Variants in DNER observed in about 807,000 individuals in gnomAD.
DNER encodes the protein delta/notch like EGF repeat containing.
DNER carries 33 observed loss-of-function variants against 78.2 expected under a neutral mutation model. That is an observed-to-expected ratio of 0.42 (90% CI 0.32 to 0.56). DNER has a LOEUF of 0.56. DNER is among the 20% of genes least tolerant of loss of function. The pLI, the probability that DNER is intolerant of heterozygous loss-of-function variation, is 0.11. For synonymous variants in DNER, 417 were observed against 384.8 expected, an observed-to-expected ratio of 1.08 and a Z score of -0.98; for missense variants, 918 against 975.3, an observed-to-expected ratio of 0.94 and a Z score of 0.78.
chr2:229,450,801 C>A (rs1405004617), intron 7 of DNER, among the ~76,000 whole-genome samples: 1 of 152,206 alleles, frequency 6.6e-6, no homozygotes, highest in African/African-American at 2.4e-5. Context: ...GAGCTTCCAG[C>A]CTCCAGAACT....
chr2:229,651,104 C>T (rs142014816), intron 1 of DNER, among the ~76,000 whole-genome samples: 4 of 152,274 alleles, frequency 2.6e-5, no homozygotes, highest in Non-Finnish European at 5.9e-5. Context: ...GATGAGAGGA[C>T]AAAGGCTGAA....
chr2:229,655,313 A>G (rs1698894567), intron 1 of DNER, among the ~76,000 whole-genome samples: 1 of 152,204 alleles, frequency 6.6e-6, no homozygotes, highest in East Asian at 1.9e-4. Context: ...TGAATTCAAA[A>G]GAGGGACTGG....
chr2:229,554,920 G>A (rs1696825486), intron 4 of DNER, among the ~76,000 whole-genome samples: 1 of 70,670 alleles, frequency 1.4e-5, no homozygotes, highest in Non-Finnish European at 2.9e-5. Flanking sequence ...GAGAAGAGAA[G>A]AGAAGAGAAG....
At chr2:229,380,068 T>A (rs1692700850) in intron 11 of DNER, among the ~76,000 whole-genome samples, 1 of 152,182 alleles carries the variant, frequency 6.6e-6, no homozygotes, top group Non-Finnish European at 1.5e-5. Context: ...AGTGAGCAGG[T>A]AAGAAGCTAA....
intron 4 of DNER, 78 bp from the exon 5 acceptor site, chr2:229,547,170 C>T (rs1373265117): frequency 9.6e-6 from 15 of 1,558,370 alleles, no homozygotes; most frequent in Middle Eastern, 1.7e-4. Context: ...TTACCAACAG[C>T]CTTTCTACAA....
intron 7 of DNER, among the ~76,000 whole-genome samples, chr2:229,466,325 C>G (rs935744369): frequency 6.6e-6 from 1 of 152,106 alleles, no homozygotes; most frequent in African/African-American, 2.4e-5. Context: ...TTCTGTGTCT[C>G]CCTCTCCCTC....
At chr2:229,679,434 T>C (rs1347102860) in intron 1 of DNER, among the ~76,000 whole-genome samples, 1 of 152,240 alleles carries the variant, frequency 6.6e-6, no homozygotes, top group African/African-American at 2.4e-5. Context: ...AACTTTCAAC[T>C]TCACTTGTAC....
At chr2:229,533,909 C>T (rs757201763) in intron 5 of DNER, among the ~76,000 whole-genome samples, 65 of 152,200 alleles carry the variant, frequency 4.3e-4, no homozygotes, top group Non-Finnish European at 8.7e-4. Flanking sequence ...ATTCCCAATA[C>T]TTAAAGACTT....
chr2:229,603,594 G>A (rs747311967), intron 1 of DNER, among the ~76,000 whole-genome samples: 1 of 152,174 alleles, frequency 6.6e-6, no homozygotes, highest in Non-Finnish European at 1.5e-5. Flanking sequence ...ACCCATGCTT[G>A]AAGTCAGAAG....
Position 229,489,884 on chromosome 2 carries a change from C to T in DNER, c.1148-12631G>A, listed in dbSNP as rs556674058. 5.8e-4 allele frequency among the ~76,000 whole-genome samples: 89 copies of T among 152,236 alleles called. 1 individual carries two copies. Among genetic ancestry groups the T allele is most frequent in the Non-Finnish European group, 9.0e-4 (61 of 68,022 alleles). On this transcript the variant is annotated intron_variant, in intron 6 of 12. Coordinates refer to ENST00000341772, the MANE Select transcript of DNER (RefSeq NM_139072.4). Reference sequence around the variant, plus strand: ...CACCACTGATGACCTTGGAGAAGCACTCTTATGATACAGAGAGAAAAGCAG... The same window carrying T: ...CACCACTGATGACCTTGGAGAAGCATTCTTATGATACAGAGAGAAAAGCAG...
intron 1 of DNER, among the ~76,000 whole-genome samples, chr2:229,616,507 C>G (rs1698165677): frequency 6.6e-6 from 1 of 152,206 alleles, no homozygotes; most frequent in South Asian, 2.1e-4. Flanking sequence ...TCTCAGCCAA[C>G]TCACAGACCT....
chr2:229,578,346 G>T (rs1697338138), intron 4 of DNER, among the ~76,000 whole-genome samples: 1 of 152,160 alleles, frequency 6.6e-6, no homozygotes, highest in Admixed American at 6.5e-5. Context: ...TAACAAAATG[G>T]AACAGGAGGG....
chr2:229,534,756 T>C (rs1696371756), intron 5 of DNER, among the ~76,000 whole-genome samples: 1 of 152,262 alleles, frequency 6.6e-6, no homozygotes, highest in Non-Finnish European at 1.5e-5. Context: ...ACTATAATTA[T>C]TGTTCATTTA....
intron 4 of DNER, among the ~76,000 whole-genome samples, chr2:229,560,291 C>A: frequency 6.6e-6 from 1 of 152,172 alleles, no homozygotes; most frequent in South Asian, 2.1e-4. Flanking sequence ...AATAGAAATT[C>A]TGACCATAAA....
chr2:229,502,150 C>T (rs747155424), intron 6 of DNER, among the ~76,000 whole-genome samples: 2 of 152,164 alleles, frequency 1.3e-5, no homozygotes, highest in African/African-American at 2.4e-5. Flanking sequence ...GAAACCTGTC[C>T]TATCGAAAGG....
chr2:229,480,729 T>G (rs1361336487), intron 6 of DNER, among the ~76,000 whole-genome samples: 2 of 152,132 alleles, frequency 1.3e-5, no homozygotes, highest in Non-Finnish European at 2.9e-5. Context: ...AATAACAGAG[T>G]TGTCACACTG....
chr2:229,692,582 G>A (rs907575643), intron 1 of DNER, among the ~76,000 whole-genome samples: 6 of 152,132 alleles, frequency 3.9e-5, no homozygotes, highest in Non-Finnish European at 7.3e-5. Flanking sequence ...CTTTTAATGA[G>A]CAGTTACTTC....
rs189716217 is a variant in DNER, at chr2:229,589,686, G to T, written c.586-1198C>A. 3.2e-3 allele frequency among the ~76,000 whole-genome samples: 484 copies of T among 152,166 alleles called. 1 individual carries two copies. The highest frequency in any genetic ancestry group is 0.011 in the African/African-American group (458 of 41,506). On this transcript the variant is annotated intron_variant, in intron 2 of 12. Coordinates refer to ENST00000341772, the MANE Select transcript of DNER (RefSeq NM_139072.4). ...GACTTTAAATAAATAGATTGAAATG[G>T]CTGGTTAGGGAGAAATTTTCTTTTA... is the stretch of plus-strand genomic sequence containing the variant.
chr2:229,362,013 T>C (rs1692228336), intron 12 of DNER, among the ~76,000 whole-genome samples: 1 of 152,180 alleles, frequency 6.6e-6, no homozygotes, highest in Admixed American at 6.5e-5. Flanking sequence ...GGGAAATGTC[T>C]GCTGATGGTC....
Sources: gnomAD v4.1 joint callset for allele counts (sites outside exome capture counted in the v4.1 genomes callset) on GRCh38, gnomAD v4.1.1 for gene constraint, MANE v1.5 for transcripts, NCBI Gene and HGNC (gene_info 2026-07-23, HGNC 2026-07-21) for gene names.